The following MFAP3L variants were observed in gnomAD, a reference collection of about 807,000 sequenced individuals.
MFAP3L encodes microfibril associated protein 3 like.
A neutral mutation model predicts 20.0 loss-of-function variants in MFAP3L; 5 were observed. That is an observed-to-expected ratio of 0.25 (90% confidence interval 0.13 to 0.53). The LOEUF (loss-of-function observed/expected upper bound fraction) is 0.53, where lower values mean the gene tolerates loss of function less well. Ranked by LOEUF, MFAP3L falls within the 20% of genes least tolerant of loss-of-function variation. The probability of loss-of-function intolerance (pLI) is 0.96; values close to 1 mark genes in which losing one functional copy is unlikely to be tolerated. For synonymous variants in MFAP3L, 219 were observed against 213.0 expected (o/e 1.03, Z -0.25); for missense variants, 409 against 527.5 (o/e 0.78, Z 2.20).
chr4:169,991,334 C>G lies in MFAP3L; in HGVS notation c.*44G>C, dbSNP rs377076214. On this transcript the variant is annotated 3_prime_UTR_variant, in exon 3 of 3. Transcript: ENST00000361618. This position sits in a 1 kb window ranked among gnomAD's most constrained non-coding sequence, Gnocchi z 4.9. ...CGTACTACATCTGTATTACAAGGAGCAGCCCCTGATTTTCTTGATATGCAT... is the reference window on the plus strand; with the variant it reads ...CGTACTACATCTGTATTACAAGGAGGAGCCCCTGATTTTCTTGATATGCAT... The G allele has an allele frequency of 1.3e-6, 2 of 1,570,094 alleles. No homozygotes were observed. Among genetic ancestry groups the G allele is most frequent in the East Asian group, 4.5e-5 (2 of 44,560 alleles).
At chr4:170,021,262 C>G (rs1740017201) in intron 1 of MFAP3L, among the ~76,000 whole-genome samples, 2 of 152,194 alleles carry the variant, frequency 1.3e-5, no homozygotes, top group African/African-American at 4.8e-5. Flanking sequence ...GCCATCTTTC[C>G]TTCCCTGCCC....
intron 2 of MFAP3L, among the ~76,000 whole-genome samples, chr4:169,997,263 A>C (rs1162527794): frequency 6.6e-6 from 1 of 152,240 alleles, no homozygotes; most frequent in African/African-American, 2.4e-5. Context: ...TAACCTGGAA[A>C]TAGGAAGTCC....
intron 2 of MFAP3L, among the ~76,000 whole-genome samples, chr4:170,000,927 T>C (rs1278851521): frequency 1.3e-5 from 2 of 152,166 alleles, no homozygotes; most frequent in Non-Finnish European, 2.9e-5. Context: ...CTCACTATGT[T>C]GCCCAGGCTG....
intron 1 of MFAP3L, among the ~76,000 whole-genome samples, chr4:170,018,093 G>A (rs1739810295): frequency 6.6e-6 from 1 of 152,174 alleles, no homozygotes; most frequent in South Asian, 2.1e-4. Flanking sequence ...TGCATACAAA[G>A]CAATATGCAA....
At chr4:170,002,667 G>A (rs571857000) in intron 2 of MFAP3L, among the ~76,000 whole-genome samples, 20 of 151,720 alleles carry the variant, frequency 1.3e-4, no homozygotes, top group Admixed American at 9.2e-4. Context: ...GCACCGCCAC[G>A]CCCAGCTAAT....
intron 1 of MFAP3L, among the ~76,000 whole-genome samples, chr4:170,008,834 A>T (rs148737076): frequency 6.6e-6 from 1 of 152,340 alleles, no homozygotes; most frequent in East Asian, 1.9e-4. Context: ...CTCGATTACA[A>T]GGACAGCTCC....
chr4:170,021,650 A>G (rs1740043758), intron 1 of MFAP3L, among the ~76,000 whole-genome samples: 1 of 152,216 alleles, frequency 6.6e-6, no homozygotes, highest in Admixed American at 6.5e-5. Flanking sequence ...TTACAACACT[A>G]AGATAGAAGA....
intron 1 of MFAP3L, among the ~76,000 whole-genome samples, chr4:170,019,147 T>G (rs1739877364): frequency 6.6e-6 from 1 of 152,244 alleles, no homozygotes; most frequent in South Asian, 2.1e-4. Context: ...CCTACTTTCT[T>G]GCAGGGGCGT....
At chr4:170,011,921 A>T (rs1265848181) in intron 1 of MFAP3L, among the ~76,000 whole-genome samples, 1 of 152,214 alleles carries the variant, frequency 6.6e-6, no homozygotes, top group Non-Finnish European at 1.5e-5. Context: ...TATTGAAAGA[A>T]ACGATTACAG....
rs540620680 is a variant in MFAP3L at position 169,991,565 on chromosome 4, A to G, written c.1043T>C (p.Leu348Pro). 4.2e-5 allele frequency: 67 copies of G among 1,614,142 alleles called. 1 individual carries two copies. In the South Asian group the frequency reaches 6.1e-4, roughly 15 times the overall value. Residue 348 changes from leucine to proline, a missense_variant, in exon 3 of 3, where the codon CTG becomes CCG. Leu to Pro is a moderately conservative substitution (Grantham distance 98). Coordinates refer to ENST00000361618, the MANE Select transcript of MFAP3L (RefSeq NM_021647.8). The surrounding 1 kb of genome is among the most constrained non-coding windows in gnomAD (Gnocchi z 4.9). ...FEVKDVEETELSAEHSPETAE... is the reference protein window; with the variant it reads ...FEVKDVEETEPSAEHSPETAE... ...AGTTTCGGGGGAATGTTCCGCCGACAGTTCTGTCTCCTCTACATCTTTGAC... is the reference window on the plus strand; with the variant it reads ...AGTTTCGGGGGAATGTTCCGCCGACGGTTCTGTCTCCTCTACATCTTTGAC...
At chr4:169,998,556 G>A (rs929246111) in intron 2 of MFAP3L, among the ~76,000 whole-genome samples, 1 of 151,984 alleles carries the variant, frequency 6.6e-6, no homozygotes, top group Non-Finnish European at 1.5e-5. Flanking sequence ...GGATCACTGA[G>A]CGTTAAAAAT....
intron 2 of MFAP3L, among the ~76,000 whole-genome samples, chr4:169,994,813 ACAGACTAATGGTTTT>A (rs764890352): frequency 4.6e-5 from 7 of 152,242 alleles, no homozygotes; most frequent in Non-Finnish European, 1.0e-4. Flanking sequence ...CATTGGGTCC[ACAGACTAATGGTTTT>A]CATATACTTT....
intron 1 of MFAP3L, among the ~76,000 whole-genome samples, chr4:170,007,534 T>C (rs2111012041): frequency 6.6e-6 from 1 of 152,360 alleles, no homozygotes; most frequent in East Asian, 1.9e-4. Context: ...CAAACACCTA[T>C]GTACTGCTGC....
intron 2 of MFAP3L, among the ~76,000 whole-genome samples, chr4:170,001,257 A>G (rs1738595220): frequency 1.3e-5 from 2 of 152,186 alleles, no homozygotes; most frequent in South Asian, 4.1e-4. Context: ...GCATATTACA[A>G]TCTATTCAAA....
rs762803269 is a variant in MFAP3L, at chr4:169,991,642, G to A, written c.966C>T (p.His322=). 3 of 1,614,144 alleles carry A rather than the reference G, an allele frequency of 1.9e-6. No homozygotes were observed. In the South Asian group the frequency reaches 3.3e-5, roughly 18 times the overall value. ...CTGCATGCTCTTTTTTGGACTGCGG[G>A]TGAACTGACACCTTGATGGCAATTT... ...PQQIAIKVSV[H]PQSKKEHADD... is the part of the protein sequence containing the mutation. Residue 322 remains histidine, a synonymous_variant, in exon 3 of 3, where the codon CAC becomes CAT. Transcript: ENST00000361618. This position sits in a 1 kb window ranked among gnomAD's most constrained non-coding sequence, Gnocchi z 4.9.
In MFAP3L at chr4:169,997,802, C is replaced by CTTTTTTT. The variant is rs397768343; in HGVS notation, c.299-5500_299-5494dup. The CTTTTTTT allele has an allele frequency of 5.2e-3, 4,887 of 937,796 alleles. 27 individuals are homozygous for CTTTTTTT. Among genetic ancestry groups the CTTTTTTT allele is most frequent in the South Asian group, 0.028 (548 of 19,396 alleles). The allele number at this position is 937,796 out of a possible 1,614,324, so 58.1% of individuals were successfully genotyped here. A position where few individuals can be genotyped will look rare whatever the true frequency, so the allele number is the denominator to read the frequency against. On this transcript the variant is annotated intron_variant, in intron 2 of 2. Coordinates refer to ENST00000361618, the MANE Select transcript of MFAP3L (RefSeq NM_021647.8). ...CCAGCTCGGCCTCCTTTCATTAATT[C>CTTTTTTT]TTTTTTTTTTTTTTTTAATATTGCT...
chr4:169,986,771 C>T lies in MFAP3L; in HGVS notation c.*4607G>A, dbSNP rs1026192110. ...AGAATCACCAGATTGACATTTCTGTCGAGACATTTTTCCATTTTCCAATTT... is the reference window on the plus strand; with the variant it reads ...AGAATCACCAGATTGACATTTCTGTTGAGACATTTTTCCATTTTCCAATTT... On this transcript the variant is annotated 3_prime_UTR_variant, in exon 3 of 3. Transcript: ENST00000361618. 6 of 152,134 alleles carry T rather than the reference C, an allele frequency of 3.9e-5. No individual in the cohort carries two copies. The highest frequency in any genetic ancestry group is 1.9e-4 in the East Asian group (1 of 5,192). The allele number at this position is 152,134 out of a possible 1,614,324, so 9.4% of individuals were successfully genotyped here. A position where few individuals can be genotyped will look rare whatever the true frequency, so the allele number is the denominator to read the frequency against.
At chr4:170,015,316 T>C (rs1739629890) in intron 1 of MFAP3L, among the ~76,000 whole-genome samples, 1 of 152,174 alleles carries the variant, frequency 6.6e-6, no homozygotes, top group African/African-American at 2.4e-5. Flanking sequence ...AGTATGATCA[T>C]GACAACCAGG....
chr4:170,013,810 T>C (rs565838568), intron 1 of MFAP3L, among the ~76,000 whole-genome samples: 61 of 152,208 alleles, frequency 4.0e-4, no homozygotes, highest in Non-Finnish European at 7.5e-4. Context: ...TATATTAAGA[T>C]AGCATCTCAC....
Sources: gnomAD v4.1 joint callset for allele counts (sites outside exome capture counted in the v4.1 genomes callset) on GRCh38, gnomAD v4.1.1 for gene constraint, Gnocchi (gnomAD v3.1) non-coding constraint, MANE v1.5 for transcripts, NCBI Gene and HGNC (gene_info 2026-07-23, HGNC 2026-07-21) for gene names.